LPA: variants seen among roughly 807,000 people sequenced by gnomAD.
LPA encodes lipoprotein(a).
A neutral mutation model predicts 197.9 loss-of-function variants in LPA; 199 were observed. That is an observed-to-expected ratio of 1.01 (90% CI 0.90 to 1.13). The LOEUF is 1.13. Among genes scored for constraint, LPA ranks in the 50% most tolerant of loss-of-function variants. The pLI, the probability that LPA is intolerant of heterozygous loss-of-function variation, is 0.00. For synonymous variants in LPA, 715 were observed against 639.5 expected (o/e 1.12, Z -1.78); for missense variants, 1,853 against 1,785.8 (o/e 1.04, Z -0.68).
chr6:160,655,629 A>T (rs1364592789), intron 1 of LPA, among the ~76,000 whole-genome samples: 1 of 152,224 alleles, frequency 6.6e-6, no homozygotes, highest in South Asian at 2.1e-4. Flanking sequence ...TCACCTTAGA[A>T]GGAATATCTC....
intron 22 of LPA, among the ~76,000 whole-genome samples, chr6:160,593,087 C>T (rs760604017): frequency 6.6e-6 from 1 of 152,060 alleles, no homozygotes; most frequent in East Asian, 1.9e-4. Flanking sequence ...CCACAAATCC[C>T]CTCTCATTCT....
chr6:160,569,787 A>G (rs1274552044), intron 28 of LPA, among the ~76,000 whole-genome samples: 1 of 151,364 alleles, frequency 6.6e-6, no homozygotes, highest in Non-Finnish European at 1.5e-5. Context: ...AATTTACAAG[A>G]AAAAAAATCA....
At chr6:160,602,595 T>C (rs1014308062) in intron 18 of LPA, among the ~76,000 whole-genome samples, 1 of 152,248 alleles carries the variant, frequency 6.6e-6, no homozygotes, top group African/African-American at 2.4e-5. Flanking sequence ...TTACGTGGGC[T>C]GCAGAAAGTT....
In LPA at chr6:160,531,626, C is replaced by G; in HGVS notation, c.*103G>C. 6.7e-7 allele frequency: 1 copy of G among 1,485,886 alleles called. No homozygotes were observed. The highest frequency in any genetic ancestry group is 9.4e-7 in the Non-Finnish European group (1 of 1,066,302). 92.0% of individuals were successfully genotyped at this position (1,485,886 alleles called of 1,614,324 possible). On this transcript the variant is annotated 3_prime_UTR_variant, in exon 39 of 39. Transcript: ENST00000316300. ...GTTTGGCATAGCTGGTAGCTGGGAA[C>G]AGTGTCTTCGTTTGATTGCTGTCTA...
At chr6:160,541,054 G>T in intron 35 of LPA, 53 bp downstream of exon 35, 1 of 1,442,722 alleles carries the variant, frequency 6.9e-7, no homozygotes, top group Non-Finnish European at 9.8e-7. Context: ...GGAAGAGAGG[G>T]AGGAAAAAAG....
rs1267319642 is a variant in LPA, at chr6:160,601,056, T to G, written c.2988A>C (p.Ala996=). 3.7e-6 allele frequency: 6 copies of G among 1,613,966 alleles called. No homozygotes were observed. The highest frequency in any genetic ancestry group is 4.5e-5 in the East Asian group (2 of 44,872). The change falls in exon 19 of 39, where the codon GCA becomes GCC. Residue 996 remains alanine (A), a synonymous_variant. Coordinates refer to ENST00000316300, the MANE Select transcript of LPA (RefSeq NM_005577.4). ...GATCTGTTGTATAACACCAAGGGGCTGCCACAGGATCTGGATTTCGGCAGT... is the reference window on the plus strand; with the variant it reads ...GATCTGTTGTATAACACCAAGGGGCGGCCACAGGATCTGGATTTCGGCAGT... The part of the protein sequence containing the change: ...KNYCRNPDPV[A]APWCYTTDPS...
Position 160,592,296 on chromosome 6 carries a change from CT to C in LPA, c.3630-1196del, listed in dbSNP as rs778348038. Among the ~76,000 whole-genome samples, 59 of 152,174 alleles carry C rather than the reference CT, an allele frequency of 3.9e-4. 1 individual carries two copies. The highest frequency in any genetic ancestry group is 8.3e-4 in the South Asian group (4 of 4,828). On this transcript the variant is annotated intron_variant, in intron 22 of 38. Transcript: ENST00000316300. ...TTAATTGAATCATTTTCTCGTTCAC[CT>C]TTTCCTACCATAATATCTAAACTGG... is the stretch of plus-strand genomic sequence containing the variant.
Position 160,548,776 on chromosome 6 carries a change from T to C in LPA, c.4974-117A>G, listed in dbSNP as rs1349437646. On this transcript the variant is annotated intron_variant, in intron 30 of 38. Coordinates refer to ENST00000316300, the MANE Select transcript of LPA (RefSeq NM_005577.4). Reference sequence around the variant, plus strand: ...ACAAGTGTCTTTGAAATATTCCCATTAAAGGTATCATACAATTGCCACAAC... The same window carrying C: ...ACAAGTGTCTTTGAAATATTCCCATCAAAGGTATCATACAATTGCCACAAC... 6 of 1,050,200 alleles carry C rather than the reference T, an allele frequency of 5.7e-6. No individual in the cohort carries two copies. The Admixed American group carries it at 1.1e-4, about 20-fold the overall frequency. 65.1% of individuals were successfully genotyped at this position (1,050,200 alleles called of 1,614,324 possible).
intron 24 of LPA, among the ~76,000 whole-genome samples, chr6:160,588,589 C>T (rs749685582): frequency 6.6e-6 from 1 of 152,196 alleles, no homozygotes; most frequent in South Asian, 2.1e-4. Flanking sequence ...CCTGTGCATA[C>T]GCAGCTTTGT....
intron 30 of LPA, 66 bp from the exon 31 acceptor site, chr6:160,548,725 C>T (rs1778121733): frequency 6.5e-7 from 1 of 1,545,710 alleles, no homozygotes; most frequent in Admixed American, 1.7e-5. Context: ...CCAGCACCCT[C>T]TACATTTTGT....
Position 160,542,739 on chromosome 6 carries a change from C to A in LPA, c.5468G>T (p.Gly1823Val), listed in dbSNP as rs76062330. The A allele has an allele frequency of 5.9e-3, 9,593 of 1,613,892 alleles. 406 individuals carry two copies. In the African/African-American group the frequency reaches 0.1, roughly 18 times the overall value. The part of the protein sequence containing the change: ...PKKCPGSIVG[G>V]CVAHPHSWPW... ...CCAGGAATGTGGGTGGGCCACACAC[C>A]CCCCTACAATGCTTCCAGGACATTT... Residue 1823 changes from glycine (G) to valine (V), a missense_variant, in exon 34 of 39, where the codon GGG becomes GTG. Gly to Val is a moderately radical substitution (Grantham distance 109, BLOSUM62 -3). Transcript: ENST00000316300.
At position 160,557,339 on chromosome 6, in the gene LPA, C is replaced by A. The variant is rs369496663; in HGVS notation, c.4813+51G>T. 3 of 1,600,954 alleles carry A rather than the reference C, an allele frequency of 1.9e-6. No individual in the cohort carries two copies. In the African/African-American group the frequency reaches 4.0e-5, roughly 21 times the overall value. ...TCTGCATCAGTCAGATTTTCCATCT[C>A]TTTTCATCCCAATGTTCAAATGTGT... On this transcript the variant is annotated intron_variant, in intron 29 of 38. Transcript: ENST00000316300.
intron 28 of LPA, among the ~76,000 whole-genome samples, chr6:160,570,179 T>C (rs1263078569): frequency 1.3e-5 from 2 of 152,226 alleles, no homozygotes; most frequent in African/African-American, 4.8e-5. Context: ...TAAAGACACA[T>C]GCACACATAT....
chr6:160,609,820 T>C (rs1411647720), intron 16 of LPA, among the ~76,000 whole-genome samples: 1 of 151,876 alleles, frequency 6.6e-6, no homozygotes, highest in Admixed American at 6.6e-5. Context: ...TGTGTGTGTA[T>C]GGGTGTGTTT....
At chr6:160,578,358 G>T (rs1035586306) in intron 27 of LPA, among the ~76,000 whole-genome samples, 165 bp downstream of exon 27, 1 of 152,054 alleles carries the variant, frequency 6.6e-6, no homozygotes, top group Non-Finnish European at 1.5e-5. Context: ...CTCACAGCGT[G>T]CCAAAAATCA....
At chr6:160,590,818 A>G (rs747076892) in intron 23 of LPA, 126 bp downstream of exon 23, 47 of 1,344,374 alleles carry the variant, frequency 3.5e-5, no homozygotes, top group Non-Finnish European at 4.6e-5. Flanking sequence ...CTTCCTTCCC[A>G]TTGGCTGACC....
intron 16 of LPA, among the ~76,000 whole-genome samples, chr6:160,611,110 G>A (rs753031110): frequency 6.6e-6 from 1 of 152,076 alleles, no homozygotes; most frequent in East Asian, 1.9e-4. Flanking sequence ...TGGAATACAG[G>A]TAGAAATAGA....
intron 26 of LPA, among the ~76,000 whole-genome samples, chr6:160,583,604 T>C (rs917089413): frequency 6.6e-6 from 1 of 152,152 alleles, no homozygotes; most frequent in Non-Finnish European, 1.5e-5. Flanking sequence ...CCAGTAGCTG[T>C]TCTTTGTTCT....
chr6:160,533,857 G>A (rs990764098), intron 37 of LPA, among the ~76,000 whole-genome samples: 89 of 152,242 alleles, frequency 5.8e-4, no homozygotes, highest in African/African-American at 2.0e-3. Context: ...AATTTCCTTC[G>A]CCAAATTGAA....
Sources: gnomAD v4.1 joint callset for allele counts (sites outside exome capture counted in the v4.1 genomes callset) on GRCh38, gnomAD v4.1.1 for gene constraint, MANE v1.5 for transcripts, NCBI Gene and HGNC (gene_info 2026-07-23, HGNC 2026-07-21) for gene names.